GABRB1: variants seen among roughly 807,000 people sequenced by gnomAD.
GABRB1 encodes the protein gamma-aminobutyric acid type A receptor subunit beta1, also known as gamma-aminobutyric acid receptor subunit beta-1.
GABRB1 carries 17 observed loss-of-function variants against 51.6 expected under a neutral mutation model. The observed-to-expected ratio is 0.33, with a 90% CI of 0.23 to 0.49. GABRB1 has a LOEUF of 0.49. Ranked by LOEUF, GABRB1 falls within the 20% of genes least tolerant of loss-of-function variation. The probability of loss-of-function intolerance (pLI) is 0.99; values close to 1 mark genes in which losing one functional copy is unlikely to be tolerated. For synonymous variants in GABRB1, 247 were observed against 218.9 expected (o/e 1.13, Z -1.14); for missense variants, 410 against 600.6 (o/e 0.68, Z 3.32).
At chr4:47,180,586 T>TA (rs1282195930) in intron 4 of GABRB1, among the ~76,000 whole-genome samples, 3 of 152,092 alleles carry the variant, frequency 2.0e-5, no homozygotes. Context: ...TTAACATTTA[T>TA]AAATTTGTTA....
chr4:47,406,859 A>G lies in GABRB1; in HGVS notation c.1013A>G (p.Lys338Arg), dbSNP rs1728589926. The G allele has an allele frequency of 6.2e-7, 1 of 1,614,054 alleles. No homozygotes were observed. Among genetic ancestry groups the G allele is most frequent in the African/African-American group, 1.3e-5 (1 of 74,932 alleles). Residue 338 changes from lysine (K) to arginine (R), a missense_variant, in exon 8 of 9, where the codon AAA becomes AGA. Coordinates refer to ENST00000295454, the MANE Select transcript of GABRB1 (RefSeq NM_000812.4). ...NYIFFGKGPQ[K>R]KGASKQDQSA... ...ATCTTCTTTGGGAAAGGCCCTCAGA[A>G]AAAGGGAGCTAGCAAACAAGACCAG...
intron 3 of GABRB1, among the ~76,000 whole-genome samples, chr4:47,160,880 G>A (rs2109736622): frequency 6.6e-6 from 1 of 151,848 alleles, no homozygotes; most frequent in South Asian, 2.1e-4. Flanking sequence ...TCAGTCTCCT[G>A]GGCACAAGAG....
At chr4:47,368,433 G>A (rs76899528) in intron 5 of GABRB1, among the ~76,000 whole-genome samples, 7,200 of 152,198 alleles carry the variant, frequency 0.047, 267 homozygotes, top group East Asian at 0.15. Flanking sequence ...CATAACAGGG[G>A]AGGGGAGGTG....
intron 3 of GABRB1, among the ~76,000 whole-genome samples, chr4:47,117,457 T>A (rs1715553820): frequency 6.6e-6 from 1 of 152,168 alleles, no homozygotes; most frequent in South Asian, 2.1e-4. Flanking sequence ...TTCAGCTACA[T>A]CTTCCTCTGT....
At chr4:47,355,916 C>T (rs563024333) in intron 5 of GABRB1, among the ~76,000 whole-genome samples, 5 of 152,244 alleles carry the variant, frequency 3.3e-5, no homozygotes, top group African/African-American at 1.2e-4. Flanking sequence ...ATTATTTAAC[C>T]CTTCTAAGTC....
intron 3 of GABRB1, among the ~76,000 whole-genome samples, chr4:47,061,829 G>A (rs1577871565): frequency 6.6e-6 from 1 of 152,078 alleles, no homozygotes; most frequent in East Asian, 1.9e-4. Context: ...CTTTCTTTTG[G>A]TCATCTTGTG....
In GABRB1 at chr4:47,182,328, G is replaced by C. The variant is rs146684716; in HGVS notation, c.461+20859G>C. ...ATAATATGATGCAGTAGAGATTCAT[G>C]GTTTCACACTGCAGAAAAAAGGTAT... On this transcript the variant is annotated intron_variant, in intron 4 of 8. Transcript: ENST00000295454. Among the ~76,000 whole-genome samples, 409 of 151,994 alleles carry C rather than the reference G, an allele frequency of 2.7e-3. 2 individuals carry two copies. Among genetic ancestry groups the C allele is most frequent in the African/African-American group, 9.3e-3 (385 of 41,500 alleles).
intron 4 of GABRB1, among the ~76,000 whole-genome samples, chr4:47,165,120 TCTTA>T (rs1304383171): frequency 1.3e-5 from 2 of 152,088 alleles, no homozygotes; most frequent in Non-Finnish European, 2.9e-5. Context: ...TCATTTCCTT[TCTTA>T]CTTAAAAGCG....
At chr4:47,197,661 T>A (rs1719736443) in intron 4 of GABRB1, among the ~76,000 whole-genome samples, 1 of 152,228 alleles carries the variant, frequency 6.6e-6, no homozygotes, top group Non-Finnish European at 1.5e-5. Context: ...AACATAGGCA[T>A]CTTGAAGTAA....
chr4:47,227,718 C>A (rs1039645477), intron 4 of GABRB1, among the ~76,000 whole-genome samples: 19 of 152,074 alleles, frequency 1.2e-4, no homozygotes, highest in African/African-American at 3.6e-4. Flanking sequence ...CATAACAAAG[C>A]GATAGACTAG....
chr4:47,355,615 T>A (rs768102697), intron 5 of GABRB1, among the ~76,000 whole-genome samples: 2 of 152,212 alleles, frequency 1.3e-5, no homozygotes, highest in African/African-American at 2.4e-5. Context: ...TTTTATGGCT[T>A]TTGCCTCCCT....
intron 4 of GABRB1, among the ~76,000 whole-genome samples, chr4:47,262,960 G>A (rs371410877): frequency 1.1e-4 from 16 of 146,028 alleles, no homozygotes; most frequent in East Asian, 6.2e-4. Context: ...ACCAAACACC[G>A]CATGTTCTCA....
At chr4:47,182,333 C>T (rs964684081) in intron 4 of GABRB1, among the ~76,000 whole-genome samples, 6 of 151,860 alleles carry the variant, frequency 4.0e-5, no homozygotes, top group African/African-American at 1.5e-4. Flanking sequence ...TTCATGGTTT[C>T]ACACTGCAGA....
Position 47,403,508 on chromosome 4 carries a change from G to A in GABRB1, c.683-51G>A, listed in dbSNP as rs778442396. 4 of 1,613,064 alleles carry A rather than the reference G, an allele frequency of 2.5e-6. No individual in the cohort carries two copies. The African/African-American group carries it at 5.3e-5, about 22-fold the overall frequency. ...AGGGGTGCTGTGAAAGGAAGAAGATGGTTCCAACCAAATAATGGTCTGATT... is the reference window on the plus strand; with the variant it reads ...AGGGGTGCTGTGAAAGGAAGAAGATAGTTCCAACCAAATAATGGTCTGATT... On this transcript the variant is annotated intron_variant, in intron 6 of 8. Coordinates refer to ENST00000295454, the MANE Select transcript of GABRB1 (RefSeq NM_000812.4).
chr4:47,337,505 T>A (rs751156365), intron 5 of GABRB1, among the ~76,000 whole-genome samples: 4 of 151,902 alleles, frequency 2.6e-5, no homozygotes, highest in Non-Finnish European at 5.9e-5. Context: ...GAAGACAGAA[T>A]AAGGAATGCA....
chr4:47,281,982 G>T (rs555072465), intron 4 of GABRB1, among the ~76,000 whole-genome samples: 1 of 152,134 alleles, frequency 6.6e-6, no homozygotes, highest in Admixed American at 6.5e-5. Flanking sequence ...AGTGATCACG[G>T]TTAGTATGAT....
At chr4:47,237,702 A>C (rs1352946849) in intron 4 of GABRB1, among the ~76,000 whole-genome samples, 1 of 152,046 alleles carries the variant, frequency 6.6e-6, no homozygotes, top group Non-Finnish European at 1.5e-5. Context: ...GGTATGAAGA[A>C]CAAAGAAGAT....
intron 3 of GABRB1, among the ~76,000 whole-genome samples, chr4:47,123,114 A>C (rs1402207283): frequency 6.6e-6 from 1 of 151,836 alleles, no homozygotes; most frequent in East Asian, 1.9e-4. Flanking sequence ...TGCCTTTTTG[A>C]CATCACAAAC....
intron 4 of GABRB1, among the ~76,000 whole-genome samples, chr4:47,178,680 T>C (rs548262030): frequency 6.6e-6 from 1 of 152,136 alleles, no homozygotes; most frequent in South Asian, 2.1e-4. Flanking sequence ...CAACGATGAA[T>C]GCCATTTTTA....
Sources: allele counts gnomAD v4.1 joint callset (sites outside exome capture counted in the v4.1 genomes callset), GRCh38; gene constraint gnomAD v4.1.1; transcripts MANE v1.5; gene names NCBI Gene and HGNC (gene_info 2026-07-23, HGNC 2026-07-21).